RPS6KA2: variants seen among roughly 807,000 people sequenced by gnomAD.
The protein encoded by RPS6KA2 is ribosomal protein S6 kinase alpha-2.
A neutral mutation model predicts 91.8 loss-of-function variants in RPS6KA2; 42 were observed. That is an observed-to-expected ratio of 0.46 (90% CI 0.36 to 0.59). The LOEUF is 0.59. Ranked by LOEUF, RPS6KA2 falls within the 20% of genes least tolerant of loss-of-function variation. The probability of loss-of-function intolerance (pLI) is 0.00; values close to 1 mark genes in which losing one functional copy is unlikely to be tolerated. For synonymous variants in RPS6KA2, 414 were observed against 393.6 expected, an observed-to-expected ratio of 1.05 and a Z score of -0.61; for missense variants, 798 against 978.5, an observed-to-expected ratio of 0.82 and a Z score of 2.46.
Position 166,459,408 on chromosome 6 carries a change from T to G in RPS6KA2, c.1075+41A>C. On this transcript the variant is annotated intron_variant, in intron 12 of 20. Transcript: ENST00000265678. This position sits in a 1 kb window ranked among gnomAD's most constrained non-coding sequence, Gnocchi z 4.9. ...AGATATCTGTCTCTAAGGGGTCAGG[T>G]GGGAGAAGCCACCGATAGAGGGAAC... The G allele has an allele frequency of 7.6e-7, 1 of 1,313,316 alleles. No individual in the cohort carries two copies. The highest frequency in any genetic ancestry group is 1.4e-5 in the African/African-American group (1 of 69,216). 81.4% of individuals were successfully genotyped at this position (1,313,316 alleles called of 1,614,324 possible).
intron 1 of RPS6KA2, among the ~76,000 whole-genome samples, chr6:166,542,852 G>A (rs1783705446): frequency 6.6e-6 from 1 of 152,088 alleles, no homozygotes; most frequent in Non-Finnish European, 1.5e-5. Context: ...TATAAAAAGT[G>A]CAAATTAAAA....
At chr6:166,656,036 G>A (rs1359603684) in intron 2 of RPS6KA2, among the ~76,000 whole-genome samples, 2 of 152,232 alleles carry the variant, frequency 1.3e-5, no homozygotes, top group Non-Finnish European at 2.9e-5. Context: ...GTGAGCATGG[G>A]CTGCCTGAGT....
At chr6:166,421,388 A>C (rs1375753847) in intron 17 of RPS6KA2, among the ~76,000 whole-genome samples, 4 of 152,214 alleles carry the variant, frequency 2.6e-5, no homozygotes, top group African/African-American at 4.8e-5. Flanking sequence ...GATACATAAG[A>C]AGCAGCAGAT....
chr6:166,764,434 A>G (rs1778252734), intron 2 of RPS6KA2, among the ~76,000 whole-genome samples: 1 of 149,574 alleles, frequency 6.7e-6, no homozygotes, highest in East Asian at 2.0e-4. Flanking sequence ...CGCGGGGATC[A>G]GGTCTAACAA....
chr6:166,447,370 T>C (rs1183903685), intron 14 of RPS6KA2, among the ~76,000 whole-genome samples: 1 of 152,192 alleles, frequency 6.6e-6, no homozygotes, highest in African/African-American at 2.4e-5. Context: ...TCAGAGCAAA[T>C]CACAAATTGA....
intron 2 of RPS6KA2, among the ~76,000 whole-genome samples, chr6:166,649,432 C>T (rs549551799): frequency 2.0e-5 from 3 of 152,312 alleles, no homozygotes; most frequent in African/African-American, 7.2e-5. Flanking sequence ...GTCATCCTCC[C>T]TGTTAAATCC....
At chr6:166,449,782 ACCACCATGGGAG>A (rs1779795027) in intron 13 of RPS6KA2, among the ~76,000 whole-genome samples, 1 of 115,488 alleles carries the variant, frequency 8.7e-6, no homozygotes, top group African/African-American at 3.1e-5. Context: ...CATTACAGGG[ACCACCATGGGAG>A]CCACCACGGG....
chr6:166,839,696 A>AGGGGAGG (rs1433853207), intron 2 of RPS6KA2, among the ~76,000 whole-genome samples: 1 of 104,230 alleles, frequency 9.6e-6, no homozygotes, highest in Non-Finnish European at 2.0e-5. Context: ...AGGAGAGGGG[A>AGGGGAGG]GGAGAGGAGA....
intron 2 of RPS6KA2, among the ~76,000 whole-genome samples, chr6:166,642,585 T>G (rs16899278): frequency 0.029 from 4,397 of 152,300 alleles, 236 homozygotes; most frequent in East Asian, 0.2. Flanking sequence ...AGACAAAAAT[T>G]CAATAGATTG....
At chr6:166,633,988 A>C (rs1787159811) in intron 2 of RPS6KA2, among the ~76,000 whole-genome samples, 1 of 152,218 alleles carries the variant, frequency 6.6e-6, no homozygotes, top group African/African-American at 2.4e-5. Flanking sequence ...AGCAGAAAGA[A>C]AGAGCAGCTT....
At position 166,645,054 on chromosome 6, in the gene RPS6KA2, T is replaced by C. The variant is rs747096458; in HGVS notation, c.124-106270A>G. Among the ~76,000 whole-genome samples the C allele has an allele frequency of 6.3e-4, 96 of 152,208 alleles. 4 individuals are homozygous for C. The highest frequency in any genetic ancestry group is 2.6e-4 in the Admixed American group (4 of 15,284). On this transcript the variant is annotated intron_variant, in intron 2 of 21. Transcript: ENST00000503859. ...CACTGCCCACCCCTGATTTTGGAGT[T>C]CTGGTCTCCAAAACTGTGGGAGGAC...
At chr6:166,723,704 C>CTG (rs1790249847) in intron 2 of RPS6KA2, among the ~76,000 whole-genome samples, 1 of 139,650 alleles carries the variant, frequency 7.2e-6, no homozygotes, top group African/African-American at 2.7e-5. Flanking sequence ...CTTTTCTTTT[C>CTG]TTTTTTTTTT....
chr6:166,538,530 C>T (rs1463880761), intron 2 of RPS6KA2, 138 bp downstream of exon 2: 12 of 528,716 alleles, frequency 2.3e-5, no homozygotes, highest in Admixed American at 1.3e-4. Flanking sequence ...AGTGAGACCC[C>T]GGTTCTGAAC....
intron 2 of RPS6KA2, among the ~76,000 whole-genome samples, chr6:166,632,661 G>A (rs1466060347): frequency 6.6e-6 from 1 of 151,548 alleles, no homozygotes; most frequent in Non-Finnish European, 1.5e-5. Flanking sequence ...CAAAGCTGGA[G>A]AAAATAAAAA....
intron 2 of RPS6KA2, among the ~76,000 whole-genome samples, chr6:166,745,759 T>C (rs1422552000): frequency 6.6e-6 from 1 of 152,180 alleles, no homozygotes; most frequent in Non-Finnish European, 1.5e-5. Flanking sequence ...TCTATCTACC[T>C]CGGGTGTGTG....
intron 2 of RPS6KA2, among the ~76,000 whole-genome samples, chr6:166,814,553 C>T (rs985746858): frequency 3.9e-5 from 6 of 152,202 alleles, no homozygotes; most frequent in African/African-American, 9.7e-5. Context: ...CCCTCTCAAT[C>T]GCTCACATTA....
Position 166,732,521 on chromosome 6 carries a change from T to C in RPS6KA2, c.123+125679A>G, listed in dbSNP as rs1258300908. Among the ~76,000 whole-genome samples, 1 of 152,218 alleles carries C rather than the reference T, an allele frequency of 6.6e-6. No homozygotes were observed. The highest frequency in any genetic ancestry group is 1.5e-5 in the Non-Finnish European group (1 of 68,034). On this transcript the variant is annotated intron_variant, in intron 2 of 21. Coordinates refer to the RPS6KA2 transcript ENST00000503859. This position sits in a 1 kb window ranked among gnomAD's most constrained non-coding sequence, Gnocchi z 4.0. Reference sequence around the variant, plus strand: ...CCGGGAATCACTGAACCTTATCACATGGGCTTGCTATGGGAGTTCACATGA... The same window carrying C: ...CCGGGAATCACTGAACCTTATCACACGGGCTTGCTATGGGAGTTCACATGA...
chr6:166,731,616 A>G (rs1302701451), intron 2 of RPS6KA2, among the ~76,000 whole-genome samples: 1 of 152,056 alleles, frequency 6.6e-6, no homozygotes, highest in Non-Finnish European at 1.5e-5. Flanking sequence ...GACAGAGCAC[A>G]CAGCCCCCGG....
chr6:166,706,070 G>A (rs1353431057), intron 2 of RPS6KA2, among the ~76,000 whole-genome samples: 4 of 152,208 alleles, frequency 2.6e-5, no homozygotes, highest in Admixed American at 1.3e-4. Context: ...TGGGTTCCTC[G>A]ATCTTGGACT....
Sources: allele counts gnomAD v4.1 joint callset (sites outside exome capture counted in the v4.1 genomes callset), GRCh38; gene constraint gnomAD v4.1.1; non-coding constraint Gnocchi (gnomAD v3.1); transcripts MANE v1.5; gene names NCBI Gene and HGNC (gene_info 2026-07-23, HGNC 2026-07-21).